SLC5A7: variants seen among roughly 807,000 people sequenced by gnomAD.
SLC5A7 encodes solute carrier family 5 member 7.
SLC5A7 carries 19 observed loss-of-function variants against 55.4 expected under a neutral mutation model. The ratio of observed to expected loss-of-function variants is 0.34; its 90% CI spans 0.24 to 0.50. SLC5A7 has a LOEUF of 0.50. Ranked by LOEUF, SLC5A7 falls within the 20% of genes least tolerant of loss-of-function variation. The pLI is 0.98. For synonymous variants in SLC5A7, 265 were observed against 263.7 expected, an observed-to-expected ratio of 1.00 and a Z score of -0.05; for missense variants, 506 against 705.3, an observed-to-expected ratio of 0.72 and a Z score of 3.20.
intron 4 of SLC5A7, among the ~76,000 whole-genome samples, chr2:107,997,580 C>T (rs552938686): frequency 6.6e-6 from 1 of 152,264 alleles, no homozygotes; most frequent in South Asian, 2.1e-4. Flanking sequence ...TCTTCTATAA[C>T]CATACCATGG....
In SLC5A7 at chr2:108,013,295, T is replaced by G. The variant is rs918686795; in HGVS notation, c.*2434T>G. On this transcript the variant is annotated 3_prime_UTR_variant, in exon 9 of 9. Coordinates refer to ENST00000264047, the MANE Select transcript of SLC5A7 (RefSeq NM_021815.5). ...ATATTATATTGTATTTAACCCATTA[T>G]TCCTCACCTACCCTCAAAGTAGGTA... The G allele has an allele frequency of 6.6e-6, 1 of 152,168 alleles. No individual in the cohort carries two copies. Among genetic ancestry groups the G allele is most frequent in the African/African-American group, 2.4e-5 (1 of 41,440 alleles). 9.4% of individuals were successfully genotyped at this position (152,168 alleles called of 1,614,324 possible).
chr2:108,010,852 T>C lies in SLC5A7; in HGVS notation c.1734T>C (p.Asn578=). The change falls in exon 9 of 9, where the codon AAT becomes AAC. Residue 578 remains asparagine, a synonymous_variant. Transcript: ENST00000264047. ...CAGAAGGGTCTGGGACTGAAGATAA[T>C]TTACAGTGACCCCATCTAAATAAAA... ...SSPEGSGTED[N]LQ 1.3e-6 allele frequency: 2 copies of C among 1,575,374 alleles called. No homozygotes were observed. The highest frequency in any genetic ancestry group is 1.4e-5 in the African/African-American group (1 of 73,028).
chr2:108,001,219 G>GTGTA (rs1677881294), intron 5 of SLC5A7, among the ~76,000 whole-genome samples: 1 of 151,970 alleles, frequency 6.6e-6, no homozygotes, highest in South Asian at 2.1e-4. Context: ...ATGTGTGTGT[G>GTGTA]TGTGTGTGTA....
At chr2:108,005,796 A>G (rs1180625815) in intron 6 of SLC5A7, among the ~76,000 whole-genome samples, 1 of 152,144 alleles carries the variant, frequency 6.6e-6, no homozygotes, top group African/African-American at 2.4e-5. Context: ...TGGGCTAATC[A>G]TCTCCCAAAG....
chr2:108,002,446 A>G (rs1257932056), intron 6 of SLC5A7, among the ~76,000 whole-genome samples: 2 of 152,200 alleles, frequency 1.3e-5, no homozygotes, highest in East Asian at 1.9e-4. Flanking sequence ...GAGTAAGTGA[A>G]TTAGTAGTGC....
chr2:107,998,099 A>G, intron 5 of SLC5A7, 113 bp downstream of exon 5: 1 of 1,009,072 alleles, frequency 9.9e-7, no homozygotes, highest in Non-Finnish European at 1.4e-6. Context: ...AGTAATACAT[A>G]CTAAGTCACA....
At position 107,994,465 on chromosome 2, in the gene SLC5A7, C is replaced by T. The variant is rs527835298; in HGVS notation, c.448+1338C>T. Among the ~76,000 whole-genome samples the T allele has an allele frequency of 1.9e-4, 29 of 152,156 alleles. No individual in the cohort carries two copies. In the East Asian group the frequency reaches 5.2e-3, roughly 27 times the overall value. On this transcript the variant is annotated intron_variant, in intron 4 of 8. Transcript: ENST00000264047. ...AGGCGTGGTGGCGGGCGCCTGTAGT[C>T]CCAGCAGCTACTCAGGAAGCTGAGG...
In SLC5A7 at chr2:107,994,969, G is replaced by A. The variant is rs143092268; in HGVS notation, c.448+1842G>A. Among the ~76,000 whole-genome samples the A allele has an allele frequency of 3.2e-3, 487 of 152,296 alleles. 1 individual carries two copies. Among genetic ancestry groups the A allele is most frequent in the African/African-American group, 9.4e-3 (389 of 41,562 alleles). The stretch of plus-strand genomic sequence containing the variant: ...ATATAAAATATAGTAACGAAACTGT[G>A]AACTTTGTTATAATTAGTTTTGTAT... On this transcript the variant is annotated intron_variant, in intron 4 of 8. Transcript: ENST00000264047.
Position 108,002,007 on chromosome 2 carries a change from A to T in SLC5A7, c.708A>T (p.Glu236Asp). ...GGCTGGGAACTGTTGACTCATCTGA[A>T]GTCTACTCTTGGCTTGATAGTTTTC... ...KPWLGTVDSS[E>D]VYSWLDSFLL... Residue 236 changes from glutamate to aspartate, a missense_variant, in exon 6 of 9, where the codon GAA becomes GAT. By Grantham distance (45) the Glu-to-Asp change is conservative (BLOSUM62 2). This residue lies in a region of SLC5A7 where 309 missense variants were observed against 478.6 expected (regional missense o/e 0.65). Transcript: ENST00000264047. 1 of 1,614,208 alleles carries T rather than the reference A, an allele frequency of 6.2e-7. No individual in the cohort carries two copies. Among genetic ancestry groups the T allele is most frequent in the Non-Finnish European group, 8.5e-7 (1 of 1,180,030 alleles).
chr2:108,004,455 C>G (rs1678029800), intron 6 of SLC5A7, among the ~76,000 whole-genome samples: 1 of 152,092 alleles, frequency 6.6e-6, no homozygotes, highest in South Asian at 2.1e-4. Flanking sequence ...CTGCTTAGCC[C>G]AGGTGAGACC....
rs372145153 is a variant in SLC5A7 at position 108,006,066 on chromosome 2, A to G, written c.759A>G (p.Pro253=). Residue 253 remains proline, a synonymous_variant, in exon 7 of 9, where the codon CCA becomes CCG. Transcript: ENST00000264047. ...CCGCACAGATGCTGGGTGGAATCCC[A>G]TGGCAAGCATACTTTCAGAGGGTTC... is the stretch of plus-strand genomic sequence containing the variant. ...SFLLLMLGGI[P]WQAYFQRVLS... The G allele has an allele frequency of 7.9e-5, 128 of 1,614,086 alleles. No individual in the cohort carries two copies. Among genetic ancestry groups the G allele is most frequent in the Non-Finnish European group, 9.8e-5 (116 of 1,179,968 alleles).
chr2:108,010,868 C>G lies in SLC5A7; in HGVS notation c.*7C>G. The stretch of plus-strand genomic sequence containing the variant: ...TGAAGATAATTTACAGTGACCCCAT[C>G]TAAATAAAATACTGCTTTTGCAAAC... On this transcript the variant is annotated 3_prime_UTR_variant, in exon 9 of 9. Coordinates refer to ENST00000264047, the MANE Select transcript of SLC5A7 (RefSeq NM_021815.5). The G allele has an allele frequency of 6.4e-7, 1 of 1,555,800 alleles. No homozygotes were observed. Among genetic ancestry groups the G allele is most frequent in the Non-Finnish European group, 8.6e-7 (1 of 1,160,552 alleles).
chr2:107,988,816 TG>T, intron 2 of SLC5A7, among the ~76,000 whole-genome samples: 1 of 152,278 alleles, frequency 6.6e-6, no homozygotes, highest in East Asian at 1.9e-4. Flanking sequence ...AATTTGGGGG[TG>T]ATGATATTCC....
chr2:107,989,184 TAAC>T (rs1429013025), intron 2 of SLC5A7, among the ~76,000 whole-genome samples: 1 of 152,254 alleles, frequency 6.6e-6, no homozygotes, highest in Non-Finnish European at 1.5e-5. Context: ...ACAGTTGCAC[TAAC>T]AACACATATT....
At chr2:108,004,594 T>C (rs1184717482) in intron 6 of SLC5A7, among the ~76,000 whole-genome samples, 2 of 152,194 alleles carry the variant, frequency 1.3e-5, no homozygotes, top group Admixed American at 1.3e-4. Context: ...CCAATATTTA[T>C]TGAATATTGA....
intron 2 of SLC5A7, 81 bp downstream of exon 2, chr2:107,988,414 C>A: frequency 1.5e-6 from 2 of 1,314,140 alleles, no homozygotes; most frequent in Non-Finnish European, 2.1e-6. Context: ...TTCAGAGTGA[C>A]AAAGCAAATG....
chr2:107,992,294 A>C (rs568341130), intron 3 of SLC5A7, 75 bp downstream of exon 3: 1 of 801,446 alleles, frequency 1.2e-6, no homozygotes, highest in African/African-American at 1.7e-5. Flanking sequence ...CAAGTGGAAT[A>C]ACAAGTCAAA....
intron 4 of SLC5A7, among the ~76,000 whole-genome samples, chr2:107,994,004 T>TA (rs746874547): frequency 4.6e-5 from 7 of 152,196 alleles, no homozygotes; most frequent in Non-Finnish European, 1.0e-4. Context: ...CTCAATAACT[T>TA]ACATGAGAAA....
chr2:108,000,896 C>CATTT (rs1489328289), intron 5 of SLC5A7, among the ~76,000 whole-genome samples: 2 of 149,940 alleles, frequency 1.3e-5, no homozygotes, highest in Non-Finnish European at 3.0e-5. Context: ...TGCTCGGCAC[C>CATTT]ATTTATTTAT....
Sources: gnomAD v4.1 joint callset for allele counts (sites outside exome capture counted in the v4.1 genomes callset) on GRCh38, gnomAD v4.1.1 for gene constraint, gnomAD v4.1.1 regional missense constraint, MANE v1.5 for transcripts, NCBI Gene and HGNC (gene_info 2026-07-23, HGNC 2026-07-21) for gene names.